The following MBNL1 variants were observed in gnomAD, a reference collection of about 807,000 sequenced individuals.
The protein encoded by MBNL1 is muscleblind like splicing regulator 1, also known as muscleblind-like protein 1.
A neutral mutation model predicts 42.2 loss-of-function variants in MBNL1; 8 were observed. The ratio of observed to expected loss-of-function variants is 0.19; its 90% CI spans 0.11 to 0.34. MBNL1 has a LOEUF of 0.34. Among genes scored for constraint, MBNL1 ranks in the 10% least tolerant of loss-of-function variants. The pLI is 1.00. For missense variants in MBNL1, 309 were observed against 495.3 expected (o/e 0.62, Z 3.57); for synonymous variants, 169 against 173.9 (o/e 0.97, Z 0.22).
chr3:152,372,767 C>T (rs1435447240), intron 2 of MBNL1, among the ~76,000 whole-genome samples: 3 of 152,208 alleles, frequency 2.0e-5, no homozygotes, highest in African/African-American at 7.2e-5. Flanking sequence ...AGTCAGGAGG[C>T]ACAGGGGTCA....
At position 152,428,746 on chromosome 3, in the gene MBNL1, C is replaced by T. The variant is rs1212817291; in HGVS notation, c.346-3971C>T. Reference sequence around the variant, plus strand: ...ACGAGTGAGGAGTGGCCAGGGCATTCACGGTTTAAAAGTCCTCCGGATGAT... The same window carrying T: ...ACGAGTGAGGAGTGGCCAGGGCATTTACGGTTTAAAAGTCCTCCGGATGAT... On this transcript the variant is annotated intron_variant, in intron 3 of 9. Coordinates refer to ENST00000324210, the MANE Select transcript of MBNL1 (RefSeq NM_021038.5). 2.0e-5 allele frequency among the ~76,000 whole-genome samples: 3 copies of T among 152,154 alleles called. No individual in the cohort carries two copies. The East Asian group carries it at 5.8e-4, about 29-fold the overall frequency.
At chr3:152,288,954 C>A (rs2054235932) in intron 1 of MBNL1, among the ~76,000 whole-genome samples, 1 of 152,000 alleles carries the variant, frequency 6.6e-6, no homozygotes, top group Non-Finnish European at 1.5e-5. Context: ...TATAGAAAAA[C>A]AGACATACTT....
chr3:152,310,835 G>GA (rs1259789843), intron 2 of MBNL1, among the ~76,000 whole-genome samples: 2 of 151,840 alleles, frequency 1.3e-5, no homozygotes, highest in Admixed American at 1.3e-4. Context: ...GGGTTGGGGG[G>GA]AACCCATGAG....
chr3:152,400,229 C>G (rs547010617), intron 2 of MBNL1, among the ~76,000 whole-genome samples: 1 of 152,300 alleles, frequency 6.6e-6, no homozygotes, highest in South Asian at 2.1e-4. Flanking sequence ...AATTGTCTTC[C>G]TAAACAAACA....
At chr3:152,382,558 C>T (rs759948339) in intron 2 of MBNL1, among the ~76,000 whole-genome samples, 3 of 152,188 alleles carry the variant, frequency 2.0e-5, no homozygotes, top group South Asian at 2.1e-4. Flanking sequence ...CCTAGAGGCT[C>T]TTTTCATTAT....
intron 4 of MBNL1, among the ~76,000 whole-genome samples, chr3:152,436,937 T>G (rs921452366): frequency 3.9e-5 from 6 of 152,220 alleles, no homozygotes; most frequent in African/African-American, 1.4e-4. Flanking sequence ...TCTGATCCAG[T>G]GTCACAGTTA....
intron 1 of MBNL1, among the ~76,000 whole-genome samples, chr3:152,276,772 C>T (rs2045462709): frequency 6.6e-6 from 1 of 152,090 alleles, no homozygotes; most frequent in African/African-American, 2.4e-5. Context: ...CATAAACAGA[C>T]ACTTGGTGTT....
chr3:152,434,657 C>T (rs2099054439), intron 4 of MBNL1, among the ~76,000 whole-genome samples: 1 of 152,208 alleles, frequency 6.6e-6, no homozygotes, highest in African/African-American at 2.4e-5. Context: ...TTAATTTGCA[C>T]TCCTACCAGC....
chr3:152,277,537 A>G (rs1427349894), intron 1 of MBNL1, among the ~76,000 whole-genome samples: 1 of 152,160 alleles, frequency 6.6e-6, no homozygotes, highest in Non-Finnish European at 1.5e-5. Context: ...ATCCTTAATA[A>G]TCAGTCACTA....
At chr3:152,432,395 A>G (rs1374912617) in intron 3 of MBNL1, among the ~76,000 whole-genome samples, 1 of 152,244 alleles carries the variant, frequency 6.6e-6, no homozygotes, top group Non-Finnish European at 1.5e-5. Flanking sequence ...GATGAAGATT[A>G]GATGACCACA....
At chr3:152,397,808 C>T (rs1251486743) in intron 2 of MBNL1, among the ~76,000 whole-genome samples, 1 of 152,120 alleles carries the variant, frequency 6.6e-6, no homozygotes, top group East Asian at 1.9e-4. Context: ...ACCTTCCCCC[C>T]ACCATAAACC....
chr3:152,372,860 C>T (rs1443757849), intron 2 of MBNL1, among the ~76,000 whole-genome samples: 1 of 152,194 alleles, frequency 6.6e-6, no homozygotes, highest in Non-Finnish European at 1.5e-5. Flanking sequence ...TCAGAGCTGG[C>T]AGGCAGGAAC....
chr3:152,390,263 T>G (rs1434873994), intron 2 of MBNL1, among the ~76,000 whole-genome samples: 1 of 151,946 alleles, frequency 6.6e-6, no homozygotes, highest in Non-Finnish European at 1.5e-5. Flanking sequence ...TTCTCTATTT[T>G]TTTTTTTATT....
At chr3:152,288,017 A>G (rs979090559) in intron 1 of MBNL1, among the ~76,000 whole-genome samples, 2 of 152,168 alleles carry the variant, frequency 1.3e-5, no homozygotes, top group African/African-American at 4.8e-5. Flanking sequence ...AATTTGTAAT[A>G]ATACAATTTT....
At chr3:152,369,973 G>A (rs778625068) in intron 2 of MBNL1, among the ~76,000 whole-genome samples, 6 of 151,878 alleles carry the variant, frequency 4.0e-5, no homozygotes, top group African/African-American at 4.8e-5. Flanking sequence ...TCCTGGATTC[G>A]TTGATTGTTT....
At chr3:152,244,280 T>C (rs2032374077) in intron 1 of MBNL1, 1 of 152,212 alleles carries the variant, frequency 6.6e-6, no homozygotes, top group Non-Finnish European at 1.5e-5. Context: ...TAATGACTGT[T>C]ATTTCATAAC....
intron 2 of MBNL1, among the ~76,000 whole-genome samples, chr3:152,332,225 A>G (rs766632418): frequency 2.2e-4 from 33 of 152,280 alleles, no homozygotes; most frequent in Admixed American, 3.9e-4. Flanking sequence ...ATCATTTGTT[A>G]TGATCTATCT....
chr3:152,356,916 CAT>C (rs924672340), intron 2 of MBNL1, among the ~76,000 whole-genome samples: 24 of 149,600 alleles, frequency 1.6e-4, no homozygotes, highest in African/African-American at 4.7e-4. Flanking sequence ...AATGCAAAAT[CAT>C]GTGTTTCCCT....
At chr3:152,405,806 A>G (rs1358653209) in intron 2 of MBNL1, among the ~76,000 whole-genome samples, 1 of 152,198 alleles carries the variant, frequency 6.6e-6, no homozygotes, top group African/African-American at 2.4e-5. Context: ...GGCATGCTCT[A>G]CACATAGAGC....
Sources: gnomAD v4.1 joint callset for allele counts (sites outside exome capture counted in the v4.1 genomes callset) on GRCh38, gnomAD v4.1.1 for gene constraint, MANE v1.5 for transcripts, NCBI Gene and HGNC (gene_info 2026-07-23, HGNC 2026-07-21) for gene names.